SCN7A: variants seen among roughly 807,000 people sequenced by gnomAD.
The protein encoded by SCN7A is sodium voltage-gated channel alpha subunit 7.
A neutral mutation model predicts 155.2 loss-of-function variants in SCN7A; 138 were observed. The ratio of observed to expected loss-of-function variants is 0.89; its 90% CI spans 0.77 to 1.02. The LOEUF is 1.02. Ranked by LOEUF, SCN7A falls within the 50% of genes least tolerant of loss-of-function variation. SCN7A has a pLI of 0.00. For missense variants in SCN7A, 2,058 were observed against 1,986.6 expected, an observed-to-expected ratio of 1.04 and a Z score of -0.68; for synonymous variants, 693 against 649.0, an observed-to-expected ratio of 1.07 and a Z score of -1.03.
intron 2 of SCN7A, among the ~76,000 whole-genome samples, chr2:166,481,433 G>T (rs1702924240): frequency 6.6e-6 from 1 of 152,084 alleles, no homozygotes; most frequent in Non-Finnish European, 1.5e-5. Context: ...AAATATAATA[G>T]AAATACTTGT....
Position 166,477,599 on chromosome 2 carries a change from T to C in SCN7A, c.98A>G (p.His33Arg), listed in dbSNP as rs1288562358. The C allele has an allele frequency of 6.9e-6, 11 of 1,597,330 alleles. No individual in the cohort carries two copies. The highest frequency in any genetic ancestry group is 9.4e-6 in the Non-Finnish European group (11 of 1,170,374). ...QHIAKTHNEDHEEEDLKPTPD... is the reference protein window; with the variant it reads ...QHIAKTHNEDREEEDLKPTPD... Reference sequence around the variant, plus strand: ...AGTTGGCTTTAAGTCTTCTTCTTCATGGTCTTCATTATGTGTTTTAGCAAT... The same window carrying C: ...AGTTGGCTTTAAGTCTTCTTCTTCACGGTCTTCATTATGTGTTTTAGCAAT... The change falls in exon 3 of 26, where the codon CAT (histidine) becomes CGT (arginine). Residue 33 changes from histidine to arginine, a missense_variant. His to Arg is a conservative substitution (Grantham distance 29, BLOSUM62 0). Transcript: ENST00000643258.
chr2:166,482,482 C>T lies in SCN7A; in HGVS notation c.-15+4374G>A, dbSNP rs138027688. On this transcript the variant is annotated intron_variant, in intron 2 of 25. Coordinates refer to ENST00000643258, the MANE Select transcript of SCN7A (RefSeq NM_002976.4). ...TTTTGCCACCCCCCAGCTATGAGAC[C>T]TCAGTAACATCACCTGACCTTTCCT... Among the ~76,000 whole-genome samples the T allele has an allele frequency of 3.6e-3, 546 of 151,978 alleles. 1 individual carries two copies. Among genetic ancestry groups the T allele is most frequent in the African/African-American group, 0.013 (525 of 41,476 alleles).
chr2:166,477,842 A>G, intron 2 of SCN7A, 132 bp from the exon 3 acceptor site: 1 of 520,290 alleles, frequency 1.9e-6, no homozygotes, highest in Non-Finnish European at 3.2e-6. Flanking sequence ...TTTTGTAGAA[A>G]TCTAAGTTGT....
intron 17 of SCN7A, 27 bp from the exon 18 acceptor site, chr2:166,427,969 A>T: frequency 6.2e-7 from 1 of 1,606,768 alleles, no homozygotes; most frequent in Non-Finnish European, 8.5e-7. Flanking sequence ...GGTAAGAACA[A>T]CAATCTAGAA....
Position 166,406,004 on chromosome 2 carries a change from G to A in SCN7A, c.4625C>T (p.Ala1542Val), listed in dbSNP as rs759352876. 2.5e-6 allele frequency: 4 copies of A among 1,612,924 alleles called. No homozygotes were observed. Among genetic ancestry groups the A allele is most frequent in the African/African-American group, 1.3e-5 (1 of 74,916 alleles). Residue 1542 changes from alanine to valine, a missense_variant, in exon 26 of 26, where the codon GCA (alanine) becomes GTA (valine). By Grantham distance (64) the Ala-to-Val change is moderately conservative. Coordinates refer to ENST00000643258, the MANE Select transcript of SCN7A (RefSeq NM_002976.4). ...GAAAAGAGGAGGATCAAGAGCAGCTGCAAAATCTGAAAGCTTGCTAGAGTC... is the reference window on the plus strand; with the variant it reads ...GAAAAGAGGAGGATCAAGAGCAGCTACAAAATCTGAAAGCTTGCTAGAGTC... Reference protein sequence around the residue: ...YIDSSKLSDFAAALDPPLFMA... With the variant: ...YIDSSKLSDFVAALDPPLFMA...
intron 21 of SCN7A, among the ~76,000 whole-genome samples, chr2:166,413,923 T>C (rs1053881028): frequency 2.2e-5 from 3 of 135,640 alleles, no homozygotes; most frequent in African/African-American, 8.4e-5. Context: ...GACCCTGTGA[T>C]CATTGATCAT....
intron 15 of SCN7A, among the ~76,000 whole-genome samples, chr2:166,435,137 G>T (rs946676523): frequency 2.6e-5 from 4 of 151,918 alleles, no homozygotes; most frequent in Non-Finnish European, 4.4e-5. Context: ...TAAGTGCTCT[G>T]AAACTGTAGT....
rs193223544 is a variant in SCN7A at position 166,426,541 on chromosome 2, C to G, written c.2853+1247G>C. Among the ~76,000 whole-genome samples the G allele has an allele frequency of 2.9e-3, 437 of 152,160 alleles. 6 individuals are homozygous for G. The highest frequency in any genetic ancestry group is 9.7e-3 in the African/African-American group (403 of 41,536). On this transcript the variant is annotated intron_variant, in intron 18 of 25. Transcript: ENST00000643258. ...GTAAGAAAGAAAGAAGTTACCATAC[C>G]AGCAAGGATAATTGACTCTGATCAT... is the stretch of plus-strand genomic sequence containing the variant.
chr2:166,489,875 G>A (rs1177778786), intron 1 of SCN7A, among the ~76,000 whole-genome samples: 1 of 152,070 alleles, frequency 6.6e-6, no homozygotes, highest in Non-Finnish European at 1.5e-5. Flanking sequence ...TCTTGCAAAA[G>A]AAAGTGGTAA....
chr2:166,459,980 G>A (rs1180450253), intron 10 of SCN7A, among the ~76,000 whole-genome samples: 1 of 152,162 alleles, frequency 6.6e-6, no homozygotes, highest in Non-Finnish European at 1.5e-5. Flanking sequence ...GCCTGTCAGA[G>A]GGTGGGAGGA....
At chr2:166,414,261 T>TACAC (rs1559088635) in intron 21 of SCN7A, among the ~76,000 whole-genome samples, 6 of 65,438 alleles carry the variant, frequency 9.2e-5, no homozygotes, top group African/African-American at 4.1e-4. Context: ...TATAGATATA[T>TACAC]ATACACACAC....
intron 15 of SCN7A, among the ~76,000 whole-genome samples, chr2:166,439,055 G>GTGTATATATATATATATA (rs375208870): frequency 3.6e-4 from 41 of 113,398 alleles, no homozygotes; most frequent in South Asian, 8.8e-4. Context: ...GTGTGTGTGT[G>GTGTATATATATATATATA]TATATATATA....
chr2:166,441,738 C>G lies in SCN7A; in HGVS notation c.1815G>C (p.Lys605Asn). ...LRLFRMLRIFKLGKYWPTFQI... is the reference protein window; with the variant it reads ...LRLFRMLRIFNLGKYWPTFQI... ...GGAATGTTGGCCAATACTTTCCCAA[C>G]TTGAAAATTCTTAACTAATAGAGCA... is the stretch of plus-strand genomic sequence containing the variant. The change falls in exon 15 of 26, where the codon AAG (lysine) becomes AAC (asparagine). Residue 605 changes from lysine to asparagine, a missense_variant. Physicochemically the swap from Lys to Asn is moderately conservative, Grantham distance 94. Transcript: ENST00000643258. 6.3e-7 allele frequency: 1 copy of G among 1,598,508 alleles called. No individual in the cohort carries two copies. The highest frequency in any genetic ancestry group is 8.5e-7 in the Non-Finnish European group (1 of 1,173,826).
chr2:166,418,284 CTTTT>C (rs71031244), intron 20 of SCN7A, among the ~76,000 whole-genome samples: 1 of 60,668 alleles, frequency 1.6e-5, no homozygotes, highest in African/African-American at 7.2e-5. Flanking sequence ...CCCCGCCAGG[CTTTT>C]TTTTTTTTTT....
intron 10 of SCN7A, among the ~76,000 whole-genome samples, chr2:166,457,912 A>G (rs1702320254): frequency 6.6e-6 from 1 of 152,338 alleles, no homozygotes; most frequent in South Asian, 2.1e-4. Context: ...TATCTACAGA[A>G]AATATTGTGT....
intron 2 of SCN7A, among the ~76,000 whole-genome samples, chr2:166,486,546 T>C (rs560011109): frequency 6.6e-6 from 1 of 152,290 alleles, no homozygotes. Context: ...AAAGAAAATC[T>C]TGGTACAGGT....
intron 23 of SCN7A, among the ~76,000 whole-genome samples, chr2:166,411,637 C>T (rs1701205108): frequency 6.6e-6 from 1 of 151,978 alleles, no homozygotes; most frequent in Admixed American, 6.6e-5. Flanking sequence ...TGCTGTTGTA[C>T]TTCAAACTGC....
chr2:166,410,061 C>G (rs1304595136), intron 24 of SCN7A, 126 bp from the exon 25 acceptor site: 3 of 1,165,308 alleles, frequency 2.6e-6, no homozygotes, highest in Non-Finnish European at 3.5e-6. Context: ...AAATTTTTGC[C>G]AAACTATAAC....
intron 1 of SCN7A, 41 bp from the exon 2 acceptor site, chr2:166,487,009 C>A (rs1172353694): frequency 6.6e-6 from 1 of 152,200 alleles, no homozygotes; most frequent in African/African-American, 2.4e-5. Flanking sequence ...CAGACAAACA[C>A]AACTGGGACA....
Sources: allele counts gnomAD v4.1 joint callset (sites outside exome capture counted in the v4.1 genomes callset), GRCh38; gene constraint gnomAD v4.1.1; transcripts MANE v1.5; gene names NCBI Gene and HGNC (gene_info 2026-07-23, HGNC 2026-07-21).